Variants in RADX observed in about 807,000 individuals in gnomAD.
RADX encodes RPA-related protein RADX.
In RADX, 36 loss-of-function variants were observed where a neutral mutation model predicts 61.6. That is an observed-to-expected ratio of 0.58 (90% confidence interval 0.45 to 0.77). The LOEUF (loss-of-function observed/expected upper bound fraction) is 0.77. Among genes scored for constraint, RADX ranks in the 30% least tolerant of loss-of-function variants. The pLI is 0.00. For missense variants in RADX, 497 were observed against 651.1 expected, an observed-to-expected ratio of 0.76 and a Z score of 2.58; for synonymous variants, 272 against 237.9, an observed-to-expected ratio of 1.14 and a Z score of -1.32.
intron 3 of RADX, among the ~76,000 whole-genome samples, chrX:106,629,330 C>T (rs1252948125): frequency 8.9e-6 from 1 of 111,840 alleles, no homozygotes; most frequent in East Asian, 2.8e-4. Context: ...TTATGTAATA[C>T]AACTTTGCTT....
intron 11 of RADX, among the ~76,000 whole-genome samples, chrX:106,651,096 C>T (rs1453397243): frequency 9.0e-6 from 1 of 110,509 alleles, no homozygotes; most frequent in Non-Finnish European, 1.9e-5. Context: ...ATTGAAGGAT[C>T]ACAGTGAATT....
At chrX:106,669,093 A>G in intron 12 of RADX, 70 bp from the exon 13 acceptor site, 1 of 874,219 alleles carries the variant, frequency 1.1e-6, no homozygotes, top group Non-Finnish European at 1.7e-6. Context: ...GGATCAAACC[A>G]GCAAACTCGG....
In RADX at chrX:106,627,709, G is replaced by T. The variant is rs939140880; in HGVS notation, c.979+2427G>T. The stretch of plus-strand genomic sequence containing the variant: ...TTTTTAGATTCTTGGAGAACATTAT[G>T]CTAATTGAAATAAGCCAGGCACAGA... On this transcript the variant is annotated intron_variant, in intron 3 of 13. Transcript: ENST00000372548. 3.6e-5 allele frequency among the ~76,000 whole-genome samples: 4 copies of T among 111,531 alleles called. No individual in the cohort carries two copies. The Admixed American group carries it at 3.8e-4, about 11-fold the overall frequency.
At chrX:106,666,724 AG>A (rs1457752764) in intron 12 of RADX, among the ~76,000 whole-genome samples, 3 of 112,232 alleles carry the variant, frequency 2.7e-5, no homozygotes, top group Non-Finnish European at 5.6e-5. Flanking sequence ...TTTACGGTAA[AG>A]GAAAAGAACA....
At chrX:106,635,448 A>C (rs1165042670) in intron 6 of RADX, among the ~76,000 whole-genome samples, 4 of 111,668 alleles carry the variant, frequency 3.6e-5, no homozygotes, top group Non-Finnish European at 7.5e-5. Context: ...CATGAGATCT[A>C]CTGGCTTAAC....
At position 106,678,565 on chromosome X, in the gene RADX, C is replaced by T. The variant is rs1034485707; in HGVS notation, c.*307C>T. On this transcript the variant is annotated 3_prime_UTR_variant, in exon 14 of 14. Coordinates refer to ENST00000372548, the MANE Select transcript of RADX (RefSeq NM_018015.6). ...TTCACTATTCCATTTGTGAAGTGTA[C>T]TTTCATTCTAAAGCCTCAGTATAAG... The T allele has an allele frequency of 6.9e-6, 1 of 145,277 alleles. No individual in the cohort carries two copies. Among genetic ancestry groups the T allele is most frequent in the Non-Finnish European group, 1.3e-5 (1 of 74,655 alleles). 12.0% of individuals were successfully genotyped at this position (145,277 alleles called of 1,213,427 possible).
intron 3 of RADX, 138 bp from the exon 4 acceptor site, chrX:106,632,486 AC>A (rs1927258058): frequency 2.8e-6 from 1 of 358,242 alleles, no homozygotes; most frequent in Non-Finnish European, 4.9e-6. Context: ...AGGTAGAAGA[AC>A]ACTGATAATA....
At chrX:106,648,571 TA>T (rs1044328226) in intron 11 of RADX, among the ~76,000 whole-genome samples, 185 bp downstream of exon 11, 4 of 111,651 alleles carry the variant, frequency 3.6e-5, no homozygotes, top group Admixed American at 9.6e-5. Flanking sequence ...AAAGTGAAAG[TA>T]ATTTTAAACA....
In RADX at chrX:106,679,323, T is replaced by A. The variant is rs1356783404; in HGVS notation, c.*1065T>A. 1 of 112,335 alleles carries A rather than the reference T, an allele frequency of 8.9e-6. No homozygotes were observed. Among genetic ancestry groups the A allele is most frequent in the Non-Finnish European group, 1.9e-5 (1 of 53,255 alleles). 9.3% of individuals were successfully genotyped at this position (112,335 alleles called of 1,213,427 possible). On this transcript the variant is annotated 3_prime_UTR_variant, in exon 14 of 14. Coordinates refer to ENST00000372548, the MANE Select transcript of RADX (RefSeq NM_018015.6). ...TATGAACCTAAAGACATACTGCAGT[T>A]TGTTCATAAATGTATTCAGTCTTTT... is the stretch of plus-strand genomic sequence containing the variant.
At chrX:106,653,504 GTTTTATTTTATTTTATTTTATTTTA>G (rs60789629) in intron 11 of RADX, among the ~76,000 whole-genome samples, 1 of 102,409 alleles carries the variant, frequency 9.8e-6, no homozygotes, top group Non-Finnish European at 2.0e-5. Flanking sequence ...ATGGGATTAT[GTTTTATTTTATTTTATTTTATTTTA>G]TTTTATTTTA....
At chrX:106,640,525 G>A in intron 9 of RADX, 27 bp from the exon 10 acceptor site, 1 of 1,082,576 alleles carries the variant, frequency 9.2e-7, no homozygotes, top group Non-Finnish European at 1.2e-6. Context: ...TTAGCCTAAA[G>A]TGTTTTCTCT....
At chrX:106,669,429 T>C (rs1928314187) in intron 13 of RADX, 99 bp downstream of exon 13, 1 of 517,109 alleles carries the variant, frequency 1.9e-6, no homozygotes, top group Admixed American at 4.0e-5. Flanking sequence ...AGCCTTAAAA[T>C]TTAGTGTAGT....
chrX:106,673,888 C>A (rs1195453116), intron 13 of RADX, among the ~76,000 whole-genome samples: 1 of 111,157 alleles, frequency 9.0e-6, no homozygotes. Flanking sequence ...AATGCTCCAT[C>A]CATGAGCAGG....
chrX:106,645,919 A>G (rs1046411705), intron 10 of RADX, among the ~76,000 whole-genome samples: 22 of 110,777 alleles, frequency 2.0e-4, no homozygotes, highest in African/African-American at 6.2e-4. Context: ...TTTGGTTTAT[A>G]TATCTCGATG....
intron 12 of RADX, 92 bp from the exon 13 acceptor site, chrX:106,669,071 T>G (rs1433371995): frequency 1.2e-5 from 8 of 681,694 alleles, no homozygotes; most frequent in Middle Eastern, 4.6e-4. Flanking sequence ...TAAAGCTATC[T>G]GGAACATGTT....
At chrX:106,664,876 G>A (rs1411334576) in intron 12 of RADX, among the ~76,000 whole-genome samples, 1 of 110,751 alleles carries the variant, frequency 9.0e-6, no homozygotes, top group East Asian at 2.9e-4. Context: ...TCCATCAGGT[G>A]TAAAGGAGTA....
chrX:106,666,085 G>A (rs1569429168), intron 12 of RADX, among the ~76,000 whole-genome samples: 1 of 111,968 alleles, frequency 8.9e-6, no homozygotes. Flanking sequence ...TAACGAACTA[G>A]ATTTTCAGTG....
At chrX:106,670,557 A>C (rs1928339164) in intron 13 of RADX, among the ~76,000 whole-genome samples, 1 of 110,299 alleles carries the variant, frequency 9.1e-6, no homozygotes, top group Admixed American at 9.8e-5. Flanking sequence ...AGGGAAGACA[A>C]ATTAATTGGT....
At position 106,679,324 on chromosome X, in the gene RADX, T is replaced by C. The variant is rs775220705; in HGVS notation, c.*1066T>C. On this transcript the variant is annotated 3_prime_UTR_variant, in exon 14 of 14. Transcript: ENST00000372548. ...ATGAACCTAAAGACATACTGCAGTT[T>C]GTTCATAAATGTATTCAGTCTTTTA... is the stretch of plus-strand genomic sequence containing the variant. The C allele has an allele frequency of 5.3e-5, 6 of 112,372 alleles. No homozygotes were observed. The South Asian group carries it at 2.2e-3, about 41-fold the overall frequency. 9.3% of individuals were successfully genotyped at this position (112,372 alleles called of 1,213,427 possible).
Sources: gnomAD v4.1 joint callset for allele counts (sites outside exome capture counted in the v4.1 genomes callset) on GRCh38, gnomAD v4.1.1 for gene constraint, MANE v1.5 for transcripts, NCBI Gene and HGNC (gene_info 2026-07-23, HGNC 2026-07-21) for gene names.